The following FOXP2 variants were observed in gnomAD, a reference collection of about 807,000 sequenced individuals.
The protein encoded by FOXP2 is forkhead box protein P2.
Under a neutral mutation model 115.8 loss-of-function variants are expected in FOXP2, and 12 were observed. The observed-to-expected ratio is 0.10, with a 90% CI of 0.07 to 0.17. The LOEUF is 0.17. Among genes scored for constraint, FOXP2 ranks in the 10% least tolerant of loss-of-function variants. FOXP2 has a pLI of 1.00. For synonymous variants in FOXP2, 328 were observed against 297.7 expected, an observed-to-expected ratio of 1.10 and a Z score of -1.05; for missense variants, 629 against 843.5, an observed-to-expected ratio of 0.75 and a Z score of 3.15.
chr7:114,230,986 A>G (rs1236037387), intron 1 of FOXP2, among the ~76,000 whole-genome samples: 1 of 151,224 alleles, frequency 6.6e-6, no homozygotes, highest in Non-Finnish European at 1.5e-5. Flanking sequence ...ACACACACAC[A>G]CACACACACA....
At chr7:114,310,812 T>C (rs889041807) in intron 2 of FOXP2, among the ~76,000 whole-genome samples, 11 of 152,158 alleles carry the variant, frequency 7.2e-5, no homozygotes, top group African/African-American at 2.7e-4. Flanking sequence ...GACACTTTTT[T>C]AAGAGCAGGA....
At chr7:114,522,513 C>A (rs1193915094) in intron 2 of FOXP2, among the ~76,000 whole-genome samples, 1 of 152,120 alleles carries the variant, frequency 6.6e-6, no homozygotes, top group Non-Finnish European at 1.5e-5. Context: ...GATATTTGTA[C>A]ATTTTTATTT....
In FOXP2 at chr7:114,673,305, G is replaced by T. The variant is rs976381067; in HGVS notation, c.2003+8869G>T. On this transcript the variant is annotated intron_variant, in intron 16 of 16. Transcript: ENST00000350908. ...GAATGGTACCAATTGTATCTCAGTG[G>T]CCAACTAATTTGTGTCTGAGATTGG... Among the ~76,000 whole-genome samples, 3 of 152,240 alleles carry T rather than the reference G, an allele frequency of 2.0e-5. No individual in the cohort carries two copies. The East Asian group carries it at 5.8e-4, about 29-fold the overall frequency.
chr7:114,629,758 C>T (rs376068321), intron 4 of FOXP2, 47 bp from the exon 5 acceptor site: 13 of 1,611,684 alleles, frequency 8.1e-6, no homozygotes, highest in African/African-American at 4.0e-5. Flanking sequence ...ATTTATAATA[C>T]GTGAAACTTT....
chr7:114,580,580 CAAAACAAAAACA>C (rs139629712), intron 3 of FOXP2, among the ~76,000 whole-genome samples: 13 of 151,090 alleles, frequency 8.6e-5, no homozygotes, highest in African/African-American at 3.2e-4. Flanking sequence ...GACTCTGTCT[CAAAACAAAAACA>C]AAAACAAAAC....
intron 1 of FOXP2, among the ~76,000 whole-genome samples, chr7:114,279,586 C>T (rs891163458): frequency 6.6e-6 from 1 of 152,072 alleles, no homozygotes; most frequent in Non-Finnish European, 1.5e-5. Context: ...TAGTCATTTT[C>T]ATCCATATTA....
chr7:114,473,618 C>A (rs1353479972), intron 2 of FOXP2, among the ~76,000 whole-genome samples: 1 of 152,058 alleles, frequency 6.6e-6, no homozygotes, highest in Non-Finnish European at 1.5e-5. Context: ...ATATACCACA[C>A]CTTCTAAATC....
intron 1 of FOXP2, among the ~76,000 whole-genome samples, chr7:114,147,535 A>G (rs1012848120): frequency 6.6e-6 from 1 of 152,158 alleles, no homozygotes; most frequent in African/African-American, 2.4e-5. Context: ...CCCAGACTGC[A>G]TGCACCAAAA....
intron 1 of FOXP2, among the ~76,000 whole-genome samples, chr7:114,272,424 C>T (rs1312391416): frequency 1.3e-5 from 2 of 151,784 alleles, no homozygotes; most frequent in Admixed American, 6.6e-5. Context: ...TCTCCCACTT[C>T]TATCCTCTGA....
chr7:114,589,477 A>G (rs1436610308), intron 3 of FOXP2, among the ~76,000 whole-genome samples: 2 of 152,172 alleles, frequency 1.3e-5, no homozygotes, highest in Non-Finnish European at 2.9e-5. Flanking sequence ...GGCATGGCTG[A>G]CTTAATTAGT....
chr7:114,655,799 A>G (rs550024840), intron 10 of FOXP2, among the ~76,000 whole-genome samples: 2 of 152,282 alleles, frequency 1.3e-5, no homozygotes, highest in East Asian at 3.9e-4. Flanking sequence ...GTACATGAAC[A>G]CAAGGTGCAA....
intron 1 of FOXP2, among the ~76,000 whole-genome samples, chr7:114,154,698 T>G (rs956507595): frequency 5.3e-5 from 8 of 152,144 alleles, no homozygotes; most frequent in African/African-American, 1.9e-4. Context: ...AATTAGTATT[T>G]CAAAATGTGT....
At chr7:114,298,586 C>T (rs1796800533) in intron 2 of FOXP2, among the ~76,000 whole-genome samples, 1 of 152,098 alleles carries the variant, frequency 6.6e-6, no homozygotes, top group African/African-American at 2.4e-5. Flanking sequence ...CTTCATTTAA[C>T]AGATGAAGGT....
chr7:114,224,670 G>A (rs1294296621), intron 1 of FOXP2, among the ~76,000 whole-genome samples: 1 of 152,158 alleles, frequency 6.6e-6, no homozygotes, highest in African/African-American at 2.4e-5. Flanking sequence ...ATAGTGGATA[G>A]TGGATACTCT....
intron 1 of FOXP2, among the ~76,000 whole-genome samples, chr7:114,224,749 A>T (rs563514290): frequency 6.6e-6 from 1 of 152,092 alleles, no homozygotes; most frequent in Non-Finnish European, 1.5e-5. Flanking sequence ...GAACTGCAGG[A>T]CTCAAGAGAA....
At chr7:114,096,220 G>C (rs1467352069) in intron 1 of FOXP2, among the ~76,000 whole-genome samples, 4 of 152,174 alleles carry the variant, frequency 2.6e-5, no homozygotes, top group Admixed American at 2.6e-4. Flanking sequence ...TTTTAGCAGT[G>C]ATGTAAGCTT....
chr7:114,658,980 T>TG (rs1481378111), intron 11 of FOXP2, among the ~76,000 whole-genome samples: 1 of 152,134 alleles, frequency 6.6e-6, no homozygotes, highest in Non-Finnish European at 1.5e-5. Context: ...TGGCCACAGA[T>TG]GCAGAGGTGA....
chr7:114,348,349 T>C (rs1325472088), intron 2 of FOXP2, among the ~76,000 whole-genome samples: 1 of 152,016 alleles, frequency 6.6e-6, no homozygotes, highest in African/African-American at 2.4e-5. Flanking sequence ...TCCTCTACCT[T>C]CATTAATTGA....
At chr7:114,282,163 T>C (rs1016634912) in intron 1 of FOXP2, among the ~76,000 whole-genome samples, 1 of 152,216 alleles carries the variant, frequency 6.6e-6, no homozygotes, top group Non-Finnish European at 1.5e-5. Flanking sequence ...TGTTGTAGAT[T>C]AGCTATAATT....
Sources: gnomAD v4.1 joint callset for allele counts (sites outside exome capture counted in the v4.1 genomes callset) on GRCh38, gnomAD v4.1.1 for gene constraint, MANE v1.5 for transcripts, NCBI Gene and HGNC (gene_info 2026-07-23, HGNC 2026-07-21) for gene names.